TRDN: variants seen among roughly 807,000 people sequenced by gnomAD.
TRDN encodes the protein triadin in skeletal muscle.
TRDN carries 161 observed loss-of-function variants against 149.7 expected under a neutral mutation model. The observed-to-expected ratio is 1.08, with a 90% CI of 0.95 to 1.23. The LOEUF (loss-of-function observed/expected upper bound fraction) is 1.23. Among genes scored for constraint, TRDN ranks in the 50% most tolerant of loss-of-function variants. TRDN has a pLI of 0.00. For synonymous variants in TRDN, 294 were observed against 250.5 expected (o/e 1.17, Z -1.64); for missense variants, 896 against 823.5 (o/e 1.09, Z -1.08).
intron 2 of TRDN, among the ~76,000 whole-genome samples, chr6:123,564,685 T>C (rs2114513191): frequency 6.6e-6 from 1 of 152,324 alleles, no homozygotes; most frequent in South Asian, 2.1e-4. Flanking sequence ...ATTATGTCTT[T>C]GCTGGCTCTC....
intron 20 of TRDN, among the ~76,000 whole-genome samples, chr6:123,355,996 C>T (rs1780655222): frequency 6.6e-6 from 1 of 151,736 alleles, no homozygotes; most frequent in African/African-American, 2.4e-5. Context: ...ACTTGCTAGT[C>T]ACTCAGTTGT....
chr6:123,439,024 A>G (rs750420545), intron 10 of TRDN, 21 bp from the exon 11 acceptor site: 25 of 1,529,558 alleles, frequency 1.6e-5, no homozygotes, highest in Non-Finnish European at 2.1e-5. Flanking sequence ...CATTTAAAAT[A>G]TTTCCTTTAG....
chr6:123,349,338 T>C (rs936543045), intron 21 of TRDN: 2 of 164,198 alleles, frequency 1.2e-5, no homozygotes, highest in Non-Finnish European at 2.5e-5. Flanking sequence ...GCCTTCAATA[T>C]AGACCATCTT....
At chr6:123,601,354 A>G (rs958576124) in intron 1 of TRDN, among the ~76,000 whole-genome samples, 4 of 152,142 alleles carry the variant, frequency 2.6e-5, no homozygotes, top group Non-Finnish European at 4.4e-5. Flanking sequence ...ACTCAGAGTG[A>G]TATGTTGTCA....
chr6:123,246,788 CAGAA>C (rs1242448372), intron 38 of TRDN, among the ~76,000 whole-genome samples: 1 of 114,266 alleles, frequency 8.8e-6, no homozygotes, highest in Non-Finnish European at 2.0e-5. Flanking sequence ...AGAGACATAA[CAGAA>C]AAAAAAAAAA....
chr6:123,559,923 CTG>C (rs1403904835), intron 2 of TRDN, among the ~76,000 whole-genome samples: 1 of 152,208 alleles, frequency 6.6e-6, no homozygotes, highest in African/African-American at 2.4e-5. Flanking sequence ...CCCAGCCTCT[CTG>C]CTTTCCCTTA....
chr6:123,478,817 C>T (rs1361857251), intron 9 of TRDN, among the ~76,000 whole-genome samples: 1 of 152,098 alleles, frequency 6.6e-6, no homozygotes, highest in Non-Finnish European at 1.5e-5. Context: ...CTCTTTTAGC[C>T]CTTCTTGGAC....
chr6:123,448,952 T>C (rs750686445), intron 10 of TRDN, among the ~76,000 whole-genome samples: 32 of 151,946 alleles, frequency 2.1e-4, no homozygotes, highest in Non-Finnish European at 2.9e-5. Context: ...GCTGGGTGGC[T>C]AGACCCAGAA....
At chr6:123,322,051 T>C (rs543919744) in intron 23 of TRDN, among the ~76,000 whole-genome samples, 8 of 152,326 alleles carry the variant, frequency 5.3e-5, no homozygotes, top group Non-Finnish European at 7.3e-5. Flanking sequence ...TTTTACTGAC[T>C]GTTTAACATT....
At chr6:123,491,563 C>T (rs1031847787) in intron 9 of TRDN, among the ~76,000 whole-genome samples, 2 of 152,040 alleles carry the variant, frequency 1.3e-5, no homozygotes, top group African/African-American at 4.8e-5. Flanking sequence ...AATTAAAACT[C>T]CAAGAGGTTG....
At chr6:123,277,180 G>A (rs1159876293) in intron 26 of TRDN, among the ~76,000 whole-genome samples, 1 of 152,132 alleles carries the variant, frequency 6.6e-6, no homozygotes, top group East Asian at 1.9e-4. Context: ...TTTGCTGAAG[G>A]AAGAATCATA....
chr6:123,617,899 G>A (rs60024403), intron 1 of TRDN, among the ~76,000 whole-genome samples: 6,028 of 151,908 alleles, frequency 0.04, 407 homozygotes, highest in African/African-American at 0.14. Flanking sequence ...CAACACACCC[G>A]GCTAATTTTT....
At chr6:123,604,198 A>C (rs1784412410) in intron 1 of TRDN, among the ~76,000 whole-genome samples, 1 of 152,228 alleles carries the variant, frequency 6.6e-6, no homozygotes, top group South Asian at 2.1e-4. Context: ...AGTGAGCCAT[A>C]ATCACAGCAC....
chr6:123,219,536 AAAG>A (rs1271349827), intron 40 of TRDN, among the ~76,000 whole-genome samples: 5 of 151,826 alleles, frequency 3.3e-5, no homozygotes, highest in Non-Finnish European at 5.9e-5. Flanking sequence ...TGTGGGAGAT[AAAG>A]AAGATGGCCA....
In TRDN at chr6:123,271,274, T is replaced by C. The variant is rs924050705; in HGVS notation, c.1673-88A>G. 1.1e-5 allele frequency: 10 copies of C among 903,478 alleles called. No homozygotes were observed. The African/African-American group carries it at 1.7e-4, about 15-fold the overall frequency. The allele number at this position is 903,478 out of a possible 1,614,324, so 56.0% of individuals were successfully genotyped here. On this transcript the variant is annotated intron_variant, in intron 29 of 40. Coordinates refer to ENST00000334268, the MANE Select transcript of TRDN (RefSeq NM_006073.4). ...CCATGATTTTTGTATTCTTTTGAAATAGTGCCAATGCCAAGAAAAACTTGT... is the reference window on the plus strand; with the variant it reads ...CCATGATTTTTGTATTCTTTTGAAACAGTGCCAATGCCAAGAAAAACTTGT...
chr6:123,389,070 G>A (rs1343237182), intron 13 of TRDN, among the ~76,000 whole-genome samples: 1 of 152,078 alleles, frequency 6.6e-6, no homozygotes, highest in East Asian at 1.9e-4. Context: ...GCAAACTTAT[G>A]CCTTCTTTTA....
chr6:123,324,928 T>C (rs966310760), intron 23 of TRDN, among the ~76,000 whole-genome samples: 4 of 152,192 alleles, frequency 2.6e-5, no homozygotes, highest in African/African-American at 7.2e-5. Context: ...GCTACTGTTA[T>C]GGGTCCAACT....
At chr6:123,356,883 A>G (rs937283675) in intron 20 of TRDN, among the ~76,000 whole-genome samples, 7 of 151,174 alleles carry the variant, frequency 4.6e-5, no homozygotes, top group Admixed American at 1.3e-4. Context: ...TTCTTAATAT[A>G]TTTTCATAAG....
intron 37 of TRDN, among the ~76,000 whole-genome samples, chr6:123,254,445 T>C (rs560671652): frequency 1.5e-4 from 23 of 152,002 alleles, no homozygotes; most frequent in Non-Finnish European, 2.9e-4. Flanking sequence ...TGAATGAAAA[T>C]AGTTGTCTTA....
Sources: allele counts gnomAD v4.1 joint callset (sites outside exome capture counted in the v4.1 genomes callset), GRCh38; gene constraint gnomAD v4.1.1; transcripts MANE v1.5; gene names NCBI Gene and HGNC (gene_info 2026-07-23, HGNC 2026-07-21).